Variants in KIF1A observed in about 807,000 individuals in gnomAD.
The protein encoded by KIF1A is kinesin family member 1A.
KIF1A carries 46 observed loss-of-function variants against 227.3 expected under a neutral mutation model. The observed-to-expected ratio is 0.20, with a 90% confidence interval of 0.16 to 0.26. KIF1A has a LOEUF of 0.26. Ranked by LOEUF, KIF1A falls within the 10% of genes least tolerant of loss-of-function variation. The probability of loss-of-function intolerance (pLI) is 1.00; values close to 1 mark genes in which losing one functional copy is unlikely to be tolerated. For missense variants in KIF1A, 1,683 were observed against 2,485.9 expected (o/e 0.68, Z 6.87); for synonymous variants, 1,022 against 1,012.8 (o/e 1.01, Z -0.17).
At chr2:240,769,779 C>A in intron 15 of KIF1A, 73 bp from the exon 16 acceptor site, 1 of 1,268,888 alleles carries the variant, frequency 7.9e-7, no homozygotes, top group Non-Finnish European at 1.1e-6. Context: ...GACACGGGTG[C>A]CAGGAGAAGG....
chr2:240,746,835 CAGGAGCAGGCGA>C (rs567802491), intron 29 of KIF1A, among the ~76,000 whole-genome samples: 37 of 152,306 alleles, frequency 2.4e-4, no homozygotes, highest in Non-Finnish European at 4.7e-4. Flanking sequence ...GGGGGCAGCC[CAGGAGCAGGCGA>C]AGGAGCAGGC....
At position 240,762,603 on chromosome 2, in the gene KIF1A, G is replaced by A. The variant is rs1575589434; in HGVS notation, c.2116+116C>T. On this transcript the variant is annotated intron_variant, in intron 23 of 48. Coordinates refer to ENST00000498729, the MANE Select transcript of KIF1A (RefSeq NM_001244008.2). ...AGGAGGTCTTTCCCTAAAGAGACAGGTCCAGACCCCAGGGCAAAAGTGCTG... is the reference window on the plus strand; with the variant it reads ...AGGAGGTCTTTCCCTAAAGAGACAGATCCAGACCCCAGGGCAAAAGTGCTG... 11 of 1,372,620 alleles carry A rather than the reference G, an allele frequency of 8.0e-6. No individual in the cohort carries two copies. The Middle Eastern group carries it at 7.9e-4, about 99-fold the overall frequency. The allele number at this position is 1,372,620 out of a possible 1,614,324, so 85.0% of individuals were successfully genotyped here.
At chr2:240,770,578 CCACTCACACAATTAAAGACTCGA>C (rs1250803380) in intron 15 of KIF1A, among the ~76,000 whole-genome samples, 2 of 152,176 alleles carry the variant, frequency 1.3e-5, no homozygotes, top group Admixed American at 6.5e-5. Flanking sequence ...GAACAAGCAC[CCACTCACACAATTAAAGACTCGA>C]CAGGAAGAGT....
At chr2:240,784,400 C>T (rs929189702) in intron 7 of KIF1A, among the ~76,000 whole-genome samples, 6 of 152,184 alleles carry the variant, frequency 3.9e-5, no homozygotes, top group Admixed American at 6.5e-5. Context: ...GTGAGGGCAG[C>T]GGGGCAGGCA....
intron 20 of KIF1A, among the ~76,000 whole-genome samples, chr2:240,764,930 G>C (rs2050973242): frequency 6.6e-6 from 1 of 152,048 alleles, no homozygotes; most frequent in East Asian, 1.9e-4. Flanking sequence ...CGAGTTCCCA[G>C]CCTGCCCTGA....
At chr2:240,754,904 T>C (rs2049654150) in intron 27 of KIF1A, among the ~76,000 whole-genome samples, 1 of 151,304 alleles carries the variant, frequency 6.6e-6, no homozygotes, top group Admixed American at 6.6e-5. Context: ...TGACCCAGAG[T>C]GAAGCCCTCG....
intron 17 of KIF1A, 53 bp from the exon 18 acceptor site, chr2:240,767,398 C>T (rs1041960276): frequency 4.2e-6 from 6 of 1,438,582 alleles, no homozygotes; most frequent in Non-Finnish European, 5.8e-6. Context: ...GAGCCTGATG[C>T]TGGCCACACC....
rs374398000 is a variant in KIF1A at position 240,740,734 on chromosome 2, G to A, written c.3750-370C>T. Among the ~76,000 whole-genome samples the A allele has an allele frequency of 3.2e-4, 48 of 152,072 alleles. No homozygotes were observed. Among genetic ancestry groups the A allele is most frequent in the East Asian group, 9.7e-4 (5 of 5,158 alleles). ...AGAGGAAATCCCAGCAGATGGGCTC[G>A]TCTTCTCCAACATCTAAGGCTCCTG... On this transcript the variant is annotated intron_variant, in intron 35 of 48. Transcript: ENST00000498729. The surrounding 1 kb of genome is among the most constrained non-coding windows in gnomAD (Gnocchi z 6.1).
At chr2:240,800,859 T>A (rs1209826980) in intron 1 of KIF1A, among the ~76,000 whole-genome samples, 1 of 152,170 alleles carries the variant, frequency 6.6e-6, no homozygotes, top group East Asian at 1.9e-4. Flanking sequence ...CCCAGCAAGG[T>A]ACGAAACCTA....
intron 1 of KIF1A, among the ~76,000 whole-genome samples, chr2:240,818,360 A>G (rs1418445557): frequency 6.6e-6 from 1 of 152,034 alleles, no homozygotes; most frequent in Non-Finnish European, 1.5e-5. Context: ...CAGCGGCCTT[A>G]CCGCATCCCT....
At position 240,757,364 on chromosome 2, in the gene KIF1A, C is replaced by T. The variant is rs192102667; in HGVS notation, c.2813G>A (p.Arg938Gln). The change falls in exon 27 of 49, where the codon CGG becomes CAG. Residue 938 changes from arginine (R) to glutamine (Q), a missense_variant. Physicochemically the swap from Arg to Gln is conservative, Grantham distance 43 (BLOSUM62 1). This residue lies in a region of KIF1A where 759 missense variants were observed against 1,020.2 expected (regional missense o/e 0.74). Coordinates refer to ENST00000498729, the MANE Select transcript of KIF1A (RefSeq NM_001244008.2). The surrounding 1 kb of genome is among the most constrained non-coding windows in gnomAD (Gnocchi z 6.2). ...VFPEHALCDG[R>Q]DPFYDRPPLF... Reference sequence around the variant, plus strand: ...GGGGGGCCGGTCGTAAAACGGGTCCCGGCCGTCGCACAGCGCGTGCTCCGG... The same window carrying T: ...GGGGGGCCGGTCGTAAAACGGGTCCTGGCCGTCGCACAGCGCGTGCTCCGG... The T allele has an allele frequency of 9.0e-4, 1,397 of 1,550,662 alleles. 10 individuals are homozygous for T. The Middle Eastern group carries it at 0.012, about 13-fold the overall frequency.
At chr2:240,799,741 C>A (rs145781741) in intron 1 of KIF1A, among the ~76,000 whole-genome samples, 1 of 152,320 alleles carries the variant, frequency 6.6e-6, no homozygotes, top group Non-Finnish European at 1.5e-5. Context: ...CGCAAGGTTT[C>A]TAGGGAGCAA....
At chr2:240,791,851 G>A (rs2055746773) in intron 2 of KIF1A, among the ~76,000 whole-genome samples, 1 of 151,844 alleles carries the variant, frequency 6.6e-6, no homozygotes, top group African/African-American at 2.4e-5. Flanking sequence ...CTTGTCCTGG[G>A]CCCCCACCCC....
chr2:240,727,810 A>G (rs2046202737), intron 38 of KIF1A, among the ~76,000 whole-genome samples: 1 of 152,212 alleles, frequency 6.6e-6, no homozygotes, highest in African/African-American at 2.4e-5. Context: ...GCTCCGGAAC[A>G]GGGTTTTCTG....
At chr2:240,722,085 T>C (rs1403195794) in intron 43 of KIF1A, among the ~76,000 whole-genome samples, 1 of 152,154 alleles carries the variant, frequency 6.6e-6, no homozygotes, top group Non-Finnish European at 1.5e-5. Flanking sequence ...AGGCACCGGC[T>C]GAGGGCCTGG....
At position 240,775,016 on chromosome 2, in the gene KIF1A, C is replaced by T. The variant is rs114202872; in HGVS notation, c.959-755G>A. Reference sequence around the variant, plus strand: ...CCAGGAAAGCCTCTGTGGGAGGACTCCCCTGCCCCCGCCCTGGGACTGAAC... The same window carrying T: ...CCAGGAAAGCCTCTGTGGGAGGACTTCCCTGCCCCCGCCCTGGGACTGAAC... On this transcript the variant is annotated intron_variant, in intron 11 of 48. Transcript: ENST00000498729. This position sits in a 1 kb window ranked among gnomAD's most constrained non-coding sequence, Gnocchi z 5.5. 0.014 allele frequency among the ~76,000 whole-genome samples: 2,065 copies of T among 152,302 alleles called. 37 individuals carry two copies. Among genetic ancestry groups the T allele is most frequent in the African/African-American group, 0.046 (1,921 of 41,556 alleles).
intron 1 of KIF1A, among the ~76,000 whole-genome samples, chr2:240,810,690 C>G (rs746360787): frequency 5.9e-5 from 9 of 152,200 alleles, no homozygotes; most frequent in Non-Finnish European, 1.3e-4. Flanking sequence ...GCAGGCCCCT[C>G]GAAGTTTCAA....
chr2:240,747,346 T>A, intron 28 of KIF1A, 25 bp from the exon 29 acceptor site: 1 of 1,599,378 alleles, frequency 6.3e-7, no homozygotes, highest in Non-Finnish European at 8.6e-7. Flanking sequence ...GAGCAAATGG[T>A]TGGAGCCCAG....
chr2:240,761,774 G>A (rs980801210), intron 23 of KIF1A, among the ~76,000 whole-genome samples: 1 of 152,202 alleles, frequency 6.6e-6, no homozygotes, highest in Admixed American at 6.5e-5. Context: ...GCCACGAGCA[G>A]CCTTGTGAGT....
Sources: gnomAD v4.1 joint callset for allele counts (sites outside exome capture counted in the v4.1 genomes callset) on GRCh38, gnomAD v4.1.1 for gene constraint, gnomAD v4.1.1 regional missense constraint, Gnocchi (gnomAD v3.1) non-coding constraint, MANE v1.5 for transcripts, NCBI Gene and HGNC (gene_info 2026-07-23, HGNC 2026-07-21) for gene names.